TCERG1L: variants seen among roughly 807,000 people sequenced by gnomAD.
The protein encoded by TCERG1L is transcription elongation regulator 1 like.
Under a neutral mutation model 56.3 loss-of-function variants are expected in TCERG1L, and 37 were observed. The ratio of observed to expected loss-of-function variants is 0.66; its 90% CI spans 0.51 to 0.87. TCERG1L has a LOEUF of 0.87. Ranked by LOEUF, TCERG1L falls within the 40% of genes least tolerant of loss-of-function variation. The probability of loss-of-function intolerance (pLI) is 0.00; values close to 1 mark genes in which losing one functional copy is unlikely to be tolerated. For missense variants in TCERG1L, 799 were observed against 774.2 expected (o/e 1.03, Z -0.38); for synonymous variants, 324 against 326.3 (o/e 0.99, Z 0.08).
intron 4 of TCERG1L, among the ~76,000 whole-genome samples, chr10:131,226,219 G>C (rs964645638): frequency 6.6e-6 from 1 of 152,186 alleles, no homozygotes; most frequent in Non-Finnish European, 1.5e-5. Context: ...GGGAATACAG[G>C]TGTGATCCTC....
rs548356067 is a variant in TCERG1L, at chr10:131,112,609, C to A, written c.1395+4190G>T. Among the ~76,000 whole-genome samples the A allele has an allele frequency of 7.0e-5, 10 of 142,384 alleles. 2 individuals carry two copies. Among genetic ancestry groups the A allele is most frequent in the Admixed American group, 1.4e-4 (2 of 14,470 alleles). The allele number at this position is 142,384 out of a possible 152,430, so 93.4% of individuals were successfully genotyped here. ...CTGTGGCTGCTCCAGAGTCCCCGAC[C>A]GTCAAAAACGCGGCAGCCCAGGGTG... On this transcript the variant is annotated intron_variant, in intron 9 of 11. Coordinates refer to ENST00000368642, the MANE Select transcript of TCERG1L (RefSeq NM_174937.4).
intron 4 of TCERG1L, among the ~76,000 whole-genome samples, chr10:131,199,027 C>T (rs928727858): frequency 2.6e-5 from 4 of 152,168 alleles, no homozygotes; most frequent in African/African-American, 4.8e-5. Flanking sequence ...GGCAGCCCTG[C>T]GCAGTGAGCC....
In TCERG1L at chr10:131,270,465, G is replaced by T. The variant is rs150872241; in HGVS notation, c.671-10021C>A. ...AAGAAAACTGCTAAGCCAGCTCAGA[G>T]ATAAGCCAGAAATGCTATCCCACAA... On this transcript the variant is annotated intron_variant, in intron 3 of 11. Coordinates refer to ENST00000368642, the MANE Select transcript of TCERG1L (RefSeq NM_174937.4). Among the ~76,000 whole-genome samples, 9 of 152,364 alleles carry T rather than the reference G, an allele frequency of 5.9e-5. No individual in the cohort carries two copies. In the East Asian group the frequency reaches 1.7e-3, roughly 29 times the overall value.
chr10:131,130,333 T>C (rs566371296), intron 8 of TCERG1L, among the ~76,000 whole-genome samples: 6 of 152,198 alleles, frequency 3.9e-5, no homozygotes, highest in African/African-American at 1.4e-4. Flanking sequence ...ACGTGGCAAT[T>C]ATGGGAGCTA....
At chr10:131,209,373 T>C (rs1845590648) in intron 4 of TCERG1L, among the ~76,000 whole-genome samples, 1 of 152,222 alleles carries the variant, frequency 6.6e-6, no homozygotes, top group Admixed American at 6.5e-5. Flanking sequence ...GTGGACCACG[T>C]TTACTGATAA....
chr10:131,271,739 T>TC (rs1176887835), intron 3 of TCERG1L, among the ~76,000 whole-genome samples: 7 of 152,130 alleles, frequency 4.6e-5, no homozygotes, highest in Admixed American at 4.6e-4. Flanking sequence ...CCTGGAGGCC[T>TC]CCCCGAGGGC....
chr10:131,205,245 AGT>A (rs1845505804), intron 4 of TCERG1L, among the ~76,000 whole-genome samples: 1 of 152,152 alleles, frequency 6.6e-6, no homozygotes, highest in South Asian at 2.1e-4. Flanking sequence ...ATAATTAACC[AGT>A]GACGTGCACG....
intron 4 of TCERG1L, among the ~76,000 whole-genome samples, chr10:131,170,393 C>T (rs181260174): frequency 1.2e-4 from 18 of 152,202 alleles, no homozygotes; most frequent in African/African-American, 4.3e-4. Flanking sequence ...AAGTGTAAGA[C>T]CATGGGCGCT....
intron 4 of TCERG1L, among the ~76,000 whole-genome samples, chr10:131,180,291 GC>G (rs1845158464): frequency 6.6e-6 from 1 of 152,236 alleles, no homozygotes; most frequent in Admixed American, 6.5e-5. Flanking sequence ...CAGAAGACAG[GC>G]AACGCAGGAG....
At chr10:131,248,183 CACACAA>C (rs1198889656) in intron 4 of TCERG1L, among the ~76,000 whole-genome samples, 1 of 149,242 alleles carries the variant, frequency 6.7e-6, no homozygotes, top group African/African-American at 2.5e-5. Flanking sequence ...CCACATGACA[CACACAA>C]ACACACACTA....
At chr10:131,208,461 C>T (rs994616422) in intron 4 of TCERG1L, among the ~76,000 whole-genome samples, 1 of 152,200 alleles carries the variant, frequency 6.6e-6, no homozygotes, top group Admixed American at 6.5e-5. Flanking sequence ...CGAGAACGCC[C>T]GGTTCACAGG....
intron 4 of TCERG1L, among the ~76,000 whole-genome samples, chr10:131,178,135 C>T (rs944083129): frequency 1.3e-4 from 20 of 152,216 alleles, no homozygotes; most frequent in African/African-American, 4.1e-4. Context: ...GACCCTGCCT[C>T]CCTGCTGAGC....
chr10:131,251,567 G>A (rs1316632677), intron 4 of TCERG1L, among the ~76,000 whole-genome samples: 1 of 152,146 alleles, frequency 6.6e-6, no homozygotes, highest in Non-Finnish European at 1.5e-5. Flanking sequence ...GATGTGGCCA[G>A]ATATCCGGTC....
At chr10:131,223,419 CA>C (rs1190161335) in intron 4 of TCERG1L, among the ~76,000 whole-genome samples, 3 of 152,324 alleles carry the variant, frequency 2.0e-5, no homozygotes, top group African/African-American at 7.2e-5. Context: ...CATTTTGCTC[CA>C]GAGAGAGCTA....
At chr10:131,250,961 C>T (rs145952685) in intron 4 of TCERG1L, among the ~76,000 whole-genome samples, 213 of 152,252 alleles carry the variant, frequency 1.4e-3, no homozygotes, top group African/African-American at 4.7e-3. Flanking sequence ...TCACCACCGA[C>T]ACTGGGCTCC....
chr10:131,104,442 G>A (rs1845331338), intron 9 of TCERG1L, 88 bp from the exon 10 acceptor site: 11 of 864,116 alleles, frequency 1.3e-5, no homozygotes, highest in Admixed American at 4.2e-5. Flanking sequence ...AAAAACAAAT[G>A]AACAACAAAA....
At chr10:131,211,236 T>C (rs1176165546) in intron 4 of TCERG1L, among the ~76,000 whole-genome samples, 1 of 152,192 alleles carries the variant, frequency 6.6e-6, no homozygotes, top group Non-Finnish European at 1.5e-5. Context: ...GGCCAGCCTC[T>C]CAAAGGAGGA....
chr10:131,266,421 C>T (rs1347531572), intron 3 of TCERG1L, among the ~76,000 whole-genome samples: 7 of 152,192 alleles, frequency 4.6e-5, no homozygotes, highest in African/African-American at 1.7e-4. Context: ...GAAAACAATT[C>T]ATCTCATCCC....
At position 131,241,483 on chromosome 10, in the gene TCERG1L, A is replaced by C. The variant is rs1486685244; in HGVS notation, c.856+18776T>G. Among the ~76,000 whole-genome samples, 7 of 152,144 alleles carry C rather than the reference A, an allele frequency of 4.6e-5. 1 individual carries two copies. The highest frequency in any genetic ancestry group is 1.2e-4 in the African/African-American group (5 of 41,444). On this transcript the variant is annotated intron_variant, in intron 4 of 11. Coordinates refer to ENST00000368642, the MANE Select transcript of TCERG1L (RefSeq NM_174937.4). ...CGCATCGTCCATACGCAACATGAAC[A>C]CAGGGGATAGCGCAATATAAAAACA... is the stretch of plus-strand genomic sequence containing the variant.
Sources: gnomAD v4.1 joint callset for allele counts (sites outside exome capture counted in the v4.1 genomes callset) on GRCh38, gnomAD v4.1.1 for gene constraint, MANE v1.5 for transcripts, NCBI Gene and HGNC (gene_info 2026-07-23, HGNC 2026-07-21) for gene names.